Variants in DST observed in about 807,000 individuals in gnomAD.
DST encodes dystonin.
In DST, 253 loss-of-function variants were observed where a neutral mutation model predicts 875.2. The observed-to-expected ratio is 0.29, with a 90% CI of 0.26 to 0.32. DST has a LOEUF of 0.32. Among genes scored for constraint, DST ranks in the 10% least tolerant of loss-of-function variants. The pLI is 1.00. For missense variants in DST, 8,287 were observed against 9,111.6 expected (o/e 0.91, Z 3.68); for synonymous variants, 3,124 against 3,197.1 (o/e 0.98, Z 0.77).
rs1396572976 is a variant in DST, at chr6:56,632,916, A to G, written c.3743T>C (p.Leu1248Pro). 1.2e-6 allele frequency: 2 copies of G among 1,613,898 alleles called. No individual in the cohort carries two copies. Among genetic ancestry groups the G allele is most frequent in the Admixed American group, 1.7e-5 (1 of 60,022 alleles). ...QVFSGSDITQLEKEVNVCKQY... is the reference protein window; with the variant it reads ...QVFSGSDITQPEKEVNVCKQY... ...CTTACATACATTAACCTCCTTTTCC[A>G]GTTGTGTTATATCTGAGCCTGAAAA... is the stretch of plus-strand genomic sequence containing the variant. The change falls in exon 28 of 104, where the codon CTG becomes CCG. Residue 1248 changes from leucine (L) to proline (P), a missense_variant. This residue lies in a region of DST where 3,138 missense variants were observed against 3,116.6 expected (regional missense o/e 1.01). Transcript: ENST00000680361.
chr6:56,903,070 T>A (rs905601022), intron 2 of DST, among the ~76,000 whole-genome samples: 11 of 134,698 alleles, frequency 8.2e-5, no homozygotes, highest in African/African-American at 3.3e-4. Context: ...CTAGATGGCA[T>A]TATCTCCCAT....
chr6:56,911,833 C>T (rs1315336897), intron 2 of DST, among the ~76,000 whole-genome samples: 1 of 152,156 alleles, frequency 6.6e-6, no homozygotes, highest in Admixed American at 6.5e-5. Context: ...TTAGCCCAAG[C>T]AGGGATCATA....
intron 3 of DST, among the ~76,000 whole-genome samples, chr6:56,898,494 TAGA>T (rs1792519890): frequency 6.6e-6 from 1 of 152,100 alleles, no homozygotes; most frequent in Non-Finnish European, 1.5e-5. Context: ...ATGGGGAGAT[TAGA>T]AGAAGCAAAG....
At chr6:56,732,724 T>C (rs945941373) in intron 5 of DST, among the ~76,000 whole-genome samples, 8 of 152,200 alleles carry the variant, frequency 5.3e-5, no homozygotes, top group African/African-American at 1.7e-4. Flanking sequence ...AAATCACAAC[T>C]TCCTAAGTCA....
chr6:56,785,112 C>T (rs950418947), intron 4 of DST, among the ~76,000 whole-genome samples: 9 of 152,184 alleles, frequency 5.9e-5, no homozygotes, highest in East Asian at 1.9e-4. Context: ...AGTACCCGGC[C>T]GTGCGAGGTG....
chr6:56,823,434 CAG>C (rs1044319835), intron 4 of DST, among the ~76,000 whole-genome samples: 14 of 151,754 alleles, frequency 9.2e-5, no homozygotes, highest in Non-Finnish European at 1.6e-4. Flanking sequence ...TTTTTTGAGA[CAG>C]AGTCTCGCTC....
chr6:56,761,695 G>A (rs992516660), intron 4 of DST, among the ~76,000 whole-genome samples: 1 of 151,284 alleles, frequency 6.6e-6, no homozygotes, highest in African/African-American at 2.4e-5. Flanking sequence ...CCCCAGGTTA[G>A]GAACCTATTA....
At chr6:56,870,367 C>T (rs932102364) in intron 3 of DST, among the ~76,000 whole-genome samples, 3 of 151,268 alleles carry the variant, frequency 2.0e-5, no homozygotes, top group Non-Finnish European at 2.9e-5. Context: ...GCAAAGGCAA[C>T]CCCCTTTGGG....
intron 2 of DST, among the ~76,000 whole-genome samples, chr6:56,950,768 T>C (rs1308628732): frequency 2.0e-5 from 3 of 152,242 alleles, no homozygotes; most frequent in African/African-American, 7.2e-5. Flanking sequence ...GCTGCATTAA[T>C]TATTTCACAT....
intron 4 of DST, among the ~76,000 whole-genome samples, chr6:56,802,084 C>T (rs1310517193): frequency 2.6e-5 from 4 of 152,014 alleles, no homozygotes; most frequent in Non-Finnish European, 4.4e-5. Context: ...GAAACTAAAG[C>T]CAATTTCTAA....
intron 4 of DST, chr6:56,843,378 G>C (rs2099802862): frequency 8.6e-7 from 1 of 1,159,708 alleles, no homozygotes; most frequent in Non-Finnish European, 1.1e-6. Context: ...GGGCCGCCCG[G>C]CTCCGGGAGC....
chr6:56,514,949 T>C (rs959689870), intron 72 of DST, among the ~76,000 whole-genome samples: 3 of 152,262 alleles, frequency 2.0e-5, no homozygotes, highest in African/African-American at 7.2e-5. Flanking sequence ...GTGAACAAAA[T>C]AATCTGTCTT....
rs1485657564 is a variant in DST at position 56,780,481 on chromosome 6, G to C, written c.626-45192C>G. 9.9e-5 allele frequency among the ~76,000 whole-genome samples: 15 copies of C among 151,518 alleles called. No individual in the cohort carries two copies. The East Asian group carries it at 2.3e-3, about 23-fold the overall frequency. On this transcript the variant is annotated intron_variant, in intron 4 of 103. Transcript: ENST00000680361. Reference sequence around the variant, plus strand: ...TTGCATTTCTCTGATGGCCAGTGATGATGAGCATTTTTTCATGTGTCTTTT... The same window carrying C: ...TTGCATTTCTCTGATGGCCAGTGATCATGAGCATTTTTTCATGTGTCTTTT...
At chr6:56,712,037 G>A (rs1463906484) in intron 5 of DST, among the ~76,000 whole-genome samples, 1 of 143,462 alleles carries the variant, frequency 7.0e-6, no homozygotes, top group Non-Finnish European at 1.5e-5. Flanking sequence ...CTTGCAGTGA[G>A]CCGAGATCCC....
At chr6:56,692,330 C>G (rs953322072) in intron 9 of DST, 2 of 899,944 alleles carry the variant, frequency 2.2e-6, no homozygotes, top group African/African-American at 3.5e-5. Flanking sequence ...AGATGTCAGT[C>G]TGATGTGAGC....
Position 56,593,680 on chromosome 6 carries a change from T to C in DST, c.12709A>G (p.Arg4237Gly), listed in dbSNP as rs1278749191. 22 of 1,600,542 alleles carry C rather than the reference T, an allele frequency of 1.4e-5. No individual in the cohort carries two copies. The highest frequency in any genetic ancestry group is 1.8e-5 in the Non-Finnish European group (21 of 1,172,506). Reference sequence around the variant, plus strand: ...AACATTACCTTAGAGTAGAGAGACCTGAACCGATCAGTAGCATGATCCAAC... The same window carrying C: ...AACATTACCTTAGAGTAGAGAGACCCGAACCGATCAGTAGCATGATCCAAC... ...RKLDHATDRF[R>G]SLYSKCNVLG... The change falls in exon 48 of 104, where the codon AGG becomes GGG. Residue 4237 changes from arginine to glycine, a missense_variant. Coordinates refer to ENST00000680361, the MANE Select transcript of DST (RefSeq NM_001374736.1).
intron 3 of DST, among the ~76,000 whole-genome samples, chr6:56,881,321 A>G (rs554329330): frequency 1.3e-5 from 2 of 148,200 alleles, no homozygotes; most frequent in South Asian, 4.2e-4. Context: ...AAAAATACAA[A>G]AATTAGCCGG....
chr6:56,692,741 CTT>C (rs1334853713), intron 9 of DST: 1 of 1,289,576 alleles, frequency 7.8e-7, no homozygotes, highest in Non-Finnish European at 1.0e-6. Context: ...AGTTCACTAA[CTT>C]TTACTTCTGT....
intron 50 of DST, among the ~76,000 whole-genome samples, chr6:56,575,798 TTCCTGACATAG>T (rs1180644134): frequency 1.3e-5 from 2 of 152,176 alleles, no homozygotes; most frequent in African/African-American, 4.8e-5. Flanking sequence ...TTGACCTCAG[TTCCTGACATAG>T]AGCTCCTAAG....
Sources: gnomAD v4.1 joint callset for allele counts (sites outside exome capture counted in the v4.1 genomes callset) on GRCh38, gnomAD v4.1.1 for gene constraint, gnomAD v4.1.1 regional missense constraint, MANE v1.5 for transcripts, NCBI Gene and HGNC (gene_info 2026-07-23, HGNC 2026-07-21) for gene names.